Variants in EPB41L2 observed in about 807,000 individuals in gnomAD.
The protein encoded by EPB41L2 is erythrocyte membrane protein band 4.1 like 2, also known as band 4.1-like protein 2.
A neutral mutation model predicts 113.0 loss-of-function variants in EPB41L2; 43 were observed. That is an observed-to-expected ratio of 0.38 (90% CI 0.30 to 0.49). The LOEUF is 0.49. Among genes scored for constraint, EPB41L2 ranks in the 20% least tolerant of loss-of-function variants. EPB41L2 has a pLI of 0.95. For missense variants in EPB41L2, 1,147 were observed against 1,223.4 expected, an observed-to-expected ratio of 0.94 and a Z score of 0.93; for synonymous variants, 442 against 436.7, an observed-to-expected ratio of 1.01 and a Z score of -0.15.
chr6:131,028,547 TATA>T (rs1173554564), intron 1 of EPB41L2, among the ~76,000 whole-genome samples: 2 of 152,200 alleles, frequency 1.3e-5, no homozygotes, highest in Non-Finnish European at 2.9e-5. Flanking sequence ...CTTTGAACAC[TATA>T]ATACTACATT....
At position 130,839,363 on chromosome 6, in the gene EPB41L2, A is replaced by G. The variant is rs1486745455; in HGVS notation, c.*1241T>C. On this transcript the variant is annotated 3_prime_UTR_variant, in exon 20 of 20. Coordinates refer to ENST00000337057, the MANE Select transcript of EPB41L2 (RefSeq NM_001431.4). ...AGTGACAAGTTTAGAGAATAAACAAACTTTATTTTATAATAGTATTACAGG... is the reference window on the plus strand; with the variant it reads ...AGTGACAAGTTTAGAGAATAAACAAGCTTTATTTTATAATAGTATTACAGG... 2 of 152,232 alleles carry G rather than the reference A, an allele frequency of 1.3e-5. No individual in the cohort carries two copies. The highest frequency in any genetic ancestry group is 2.9e-5 in the Non-Finnish European group (2 of 68,040). 9.4% of individuals were successfully genotyped at this position (152,232 alleles called of 1,614,324 possible). A position where few individuals can be genotyped will look rare whatever the true frequency, so the allele number is the denominator to read the frequency against.
rs148913837 is a variant in EPB41L2 at position 131,045,824 on chromosome 6, G to A, written c.-15+17331C>T. On this transcript the variant is annotated intron_variant, in intron 1 of 19. Transcript: ENST00000337057. ...ATATCTTGCATAGGAGATGACCAAG[G>A]TTAAAATTTCAGTAACAAAAACCAC... Among the ~76,000 whole-genome samples the A allele has an allele frequency of 4.2e-4, 64 of 152,100 alleles. 1 individual carries two copies. The East Asian group carries it at 0.011, about 27-fold the overall frequency.
chr6:130,999,761 T>C (rs1472158721), intron 1 of EPB41L2, among the ~76,000 whole-genome samples: 4 of 152,192 alleles, frequency 2.6e-5, no homozygotes, highest in Non-Finnish European at 4.4e-5. Context: ...ATTTTAGATC[T>C]GGAAGGGACC....
intron 12 of EPB41L2, among the ~76,000 whole-genome samples, chr6:130,884,584 T>C (rs1028619682): frequency 1.3e-5 from 2 of 152,216 alleles, no homozygotes; most frequent in Non-Finnish European, 2.9e-5. Context: ...TTCACCATGG[T>C]GTACGCACAA....
At chr6:130,915,506 C>T (rs1355609680) in intron 4 of EPB41L2, among the ~76,000 whole-genome samples, 1 of 152,176 alleles carries the variant, frequency 6.6e-6, no homozygotes, top group Non-Finnish European at 1.5e-5. Flanking sequence ...AAATCAAAAA[C>T]ATTTCCACAT....
chr6:131,023,581 A>G (rs959037043), intron 1 of EPB41L2, among the ~76,000 whole-genome samples: 2 of 152,020 alleles, frequency 1.3e-5, no homozygotes, highest in African/African-American at 4.8e-5. Flanking sequence ...GCTATTCAGG[A>G]GGCTGAGGCA....
intron 11 of EPB41L2, among the ~76,000 whole-genome samples, chr6:130,887,108 T>C (rs1015567883): frequency 6.6e-6 from 1 of 152,188 alleles, no homozygotes; most frequent in Admixed American, 6.5e-5. Context: ...GCTTCAAATG[T>C]AATGATATTA....
At chr6:131,017,599 G>C (rs1189576487) in intron 1 of EPB41L2, among the ~76,000 whole-genome samples, 1 of 152,088 alleles carries the variant, frequency 6.6e-6, no homozygotes, top group Non-Finnish European at 1.5e-5. Flanking sequence ...CCTAATTGAA[G>C]GATAGGTTGG....
At chr6:130,903,548 A>G (rs904080321) in intron 6 of EPB41L2, among the ~76,000 whole-genome samples, 3 of 152,204 alleles carry the variant, frequency 2.0e-5, no homozygotes, top group African/African-American at 7.2e-5. Context: ...CATCAAAGAT[A>G]CAGGAACTAA....
intron 1 of EPB41L2, among the ~76,000 whole-genome samples, chr6:130,976,527 A>G (rs1778246555): frequency 6.6e-6 from 1 of 152,220 alleles, no homozygotes; most frequent in African/African-American, 2.4e-5. Flanking sequence ...AAGATACTGC[A>G]TGACCCCAGA....
chr6:130,939,182 C>T (rs1193325223), intron 3 of EPB41L2, among the ~76,000 whole-genome samples: 1 of 152,058 alleles, frequency 6.6e-6, no homozygotes, highest in Admixed American at 6.6e-5. Flanking sequence ...AGCCACAAAA[C>T]TATATATAAT....
intron 18 of EPB41L2, among the ~76,000 whole-genome samples, chr6:130,862,855 C>T (rs1298466332): frequency 2.0e-5 from 3 of 152,130 alleles, no homozygotes; most frequent in East Asian, 3.9e-4. Flanking sequence ...GTGTAACTAT[C>T]GTTAGCTCCT....
intron 4 of EPB41L2, among the ~76,000 whole-genome samples, chr6:130,921,825 C>T (rs1802969595): frequency 6.6e-6 from 1 of 152,166 alleles, no homozygotes; most frequent in South Asian, 2.1e-4. Context: ...GTATATTAAG[C>T]TCTATCACTG....
chr6:130,852,250 A>T (rs1166882119), intron 19 of EPB41L2, among the ~76,000 whole-genome samples: 1 of 152,200 alleles, frequency 6.6e-6, no homozygotes, highest in East Asian at 1.9e-4. Flanking sequence ...AAGGTCAAAC[A>T]ACTAAGAAGT....
intron 19 of EPB41L2, among the ~76,000 whole-genome samples, chr6:130,856,583 T>A (rs74590976): frequency 1.9e-3 from 282 of 152,342 alleles, no homozygotes; most frequent in African/African-American, 6.3e-3. Context: ...TGTAAAATGG[T>A]AGGAATCCTT....
chr6:130,899,005 G>C (rs760287858), intron 8 of EPB41L2, among the ~76,000 whole-genome samples: 1 of 151,990 alleles, frequency 6.6e-6, no homozygotes, highest in African/African-American at 2.4e-5. Flanking sequence ...CTTTCACAAA[G>C]TACAAAACAC....
chr6:130,984,582 G>A (rs1435156311), intron 1 of EPB41L2, among the ~76,000 whole-genome samples: 1 of 152,188 alleles, frequency 6.6e-6, no homozygotes, highest in Non-Finnish European at 1.5e-5. Context: ...ATGTTGTTAT[G>A]TATCACATGA....
At chr6:130,909,256 G>A (rs1223561908) in intron 4 of EPB41L2, among the ~76,000 whole-genome samples, 2 of 152,204 alleles carry the variant, frequency 1.3e-5, no homozygotes. Context: ...GAAGGATAAA[G>A]TGTGAAAATT....
intron 19 of EPB41L2, among the ~76,000 whole-genome samples, chr6:130,846,986 G>T (rs987942555): frequency 1.3e-5 from 2 of 152,026 alleles, no homozygotes; most frequent in Non-Finnish European, 2.9e-5. Context: ...TTCTTTACAG[G>T]GTACTTCATC....
Sources: allele counts gnomAD v4.1 joint callset (sites outside exome capture counted in the v4.1 genomes callset), GRCh38; gene constraint gnomAD v4.1.1; transcripts MANE v1.5; gene names NCBI Gene and HGNC (gene_info 2026-07-23, HGNC 2026-07-21).